EPDR1: variants seen among roughly 807,000 people sequenced by gnomAD.
The protein encoded by EPDR1 is ependymin related 1, also known as mammalian ependymin-related protein 1.
Under a neutral mutation model 23.7 loss-of-function variants are expected in EPDR1, and 27 were observed. The ratio of observed to expected loss-of-function variants is 1.14; its 90% CI spans 0.84 to 1.57. The LOEUF (loss-of-function observed/expected upper bound fraction) is 1.57, where lower values mean the gene tolerates loss of function less well. EPDR1 is among the 40% of genes most tolerant of loss of function. EPDR1 has a pLI of 0.00. For missense variants in EPDR1, 349 were observed against 290.4 expected (o/e 1.20, Z -1.47); for synonymous variants, 137 against 118.2 (o/e 1.16, Z -1.03).
intron 1 of EPDR1, among the ~76,000 whole-genome samples, chr7:37,925,024 G>A (rs1346051006): frequency 1.3e-5 from 2 of 152,164 alleles, no homozygotes; most frequent in African/African-American, 4.8e-5. Context: ...TGAGATGATG[G>A]AAAAGATTAA....
chr7:37,936,761 G>A (rs1161852297), intron 1 of EPDR1, among the ~76,000 whole-genome samples: 1 of 152,000 alleles, frequency 6.6e-6, no homozygotes, highest in Admixed American at 6.6e-5. Flanking sequence ...CAAATTTAAA[G>A]GAAATGTGCA....
In EPDR1 at chr7:37,921,036, C is replaced by T; in HGVS notation, c.97C>T (p.Leu33=). 1 of 1,532,002 alleles carries T rather than the reference C, an allele frequency of 6.5e-7. No homozygotes were observed. 94.9% of individuals were successfully genotyped at this position (1,532,002 alleles called of 1,614,324 possible). A position where few individuals can be genotyped will look rare whatever the true frequency, so the allele number is the denominator to read the frequency against. Residue 33 remains leucine, a synonymous_variant, in exon 1 of 3, where the codon CTG becomes TTG. Transcript: ENST00000199448. ...WAWTLCGLCS[L]GAVGAPRPCQ... is the part of the protein sequence containing the mutation. Reference sequence around the variant, plus strand: ...CTGGACCCTGTGCGGCCTGTGCAGCCTGGGGGCGGTGGGAGCCCCGCGCCC... The same window carrying T: ...CTGGACCCTGTGCGGCCTGTGCAGCTTGGGGGCGGTGGGAGCCCCGCGCCC...
intron 1 of EPDR1, 107 bp downstream of exon 1, chr7:37,921,315 C>T (rs1351290342): frequency 1.4e-6 from 2 of 1,439,016 alleles, no homozygotes; most frequent in Non-Finnish European, 1.8e-6. Flanking sequence ...CCTTGCAGCT[C>T]CTCCCTTCTC....
chr7:37,936,025 T>TATATACACAC, intron 1 of EPDR1, among the ~76,000 whole-genome samples: 1 of 105,300 alleles, frequency 9.5e-6, no homozygotes, highest in African/African-American at 3.8e-5. Flanking sequence ...TATATATATA[T>TATATACACAC]ATATATATAT....
intron 1 of EPDR1, among the ~76,000 whole-genome samples, chr7:37,931,574 T>G (rs1265557801): frequency 1.3e-5 from 2 of 152,136 alleles, no homozygotes; most frequent in East Asian, 1.9e-4. Context: ...AAATTTGGTT[T>G]CGTTTCAATA....
intron 1 of EPDR1, among the ~76,000 whole-genome samples, chr7:37,930,549 C>T (rs1785915358): frequency 6.6e-6 from 1 of 152,216 alleles, no homozygotes; most frequent in East Asian, 1.9e-4. Context: ...ACAGTCAAGC[C>T]CTCCACCTGT....
intron 1 of EPDR1, among the ~76,000 whole-genome samples, chr7:37,931,003 C>T (rs1008624646): frequency 2.6e-5 from 4 of 151,944 alleles, no homozygotes; most frequent in Admixed American, 6.5e-5. Context: ...TACTAATTTT[C>T]GTATTTACCT....
chr7:37,923,942 A>G (rs898009741), intron 1 of EPDR1, among the ~76,000 whole-genome samples: 2 of 152,190 alleles, frequency 1.3e-5, no homozygotes, highest in Non-Finnish European at 2.9e-5. Flanking sequence ...CGCTACCACT[A>G]TCATCATTAT....
At chr7:37,948,720 G>T (rs1786333158) in intron 1 of EPDR1, 120 bp from the exon 2 acceptor site, 3 of 715,938 alleles carry the variant, frequency 4.2e-6, no homozygotes, top group East Asian at 2.7e-5. Flanking sequence ...TTAAGTGATT[G>T]CCTAGCTAGT....
In EPDR1 at chr7:37,920,864, G is replaced by A. The variant is rs1482672385; in HGVS notation, c.-76G>A. 2 of 1,611,322 alleles carry A rather than the reference G, an allele frequency of 1.2e-6. No individual in the cohort carries two copies. The highest frequency in any genetic ancestry group is 3.3e-5 in the Admixed American group (2 of 59,972). ...GGCACAGTGCGGAAAGAGCCGGCGG[G>A]AGCCACTCTGATCCCGGACGCCTCA... On this transcript the variant is annotated 5_prime_UTR_variant, in exon 1 of 3. Coordinates refer to ENST00000199448, the MANE Select transcript of EPDR1 (RefSeq NM_017549.5).
At chr7:37,937,052 G>A (rs1458840035) in intron 1 of EPDR1, among the ~76,000 whole-genome samples, 1 of 152,152 alleles carries the variant, frequency 6.6e-6, no homozygotes, top group East Asian at 1.9e-4. Context: ...TGACATTGAT[G>A]TGTAAATAGG....
Position 37,934,670 on chromosome 7 carries a change from A to AT in EPDR1, c.269+13463dup, listed in dbSNP as rs564141979. Among the ~76,000 whole-genome samples, 946 of 152,228 alleles carry AT rather than the reference A, an allele frequency of 6.2e-3. 8 individuals carry two copies. The highest frequency in any genetic ancestry group is 0.021 in the African/African-American group (892 of 41,536). Reference sequence around the variant, plus strand: ...TTTAAAAAATTAAAAATGGCCAGGTATGGTGGTTCATGCCTGTAATACCAG... The same window carrying AT: ...TTTAAAAAATTAAAAATGGCCAGGTATTGGTGGTTCATGCCTGTAATACCAG... On this transcript the variant is annotated intron_variant, in intron 1 of 2. Coordinates refer to ENST00000199448, the MANE Select transcript of EPDR1 (RefSeq NM_017549.5).
chr7:37,937,470 C>G (rs1786077818), intron 1 of EPDR1, among the ~76,000 whole-genome samples: 1 of 151,750 alleles, frequency 6.6e-6, no homozygotes, highest in Admixed American at 6.6e-5. Flanking sequence ...GTACAAAACG[C>G]TAATTAATTA....
At chr7:37,937,999 T>TC (rs1786090830) in intron 1 of EPDR1, among the ~76,000 whole-genome samples, 1 of 136,242 alleles carries the variant, frequency 7.3e-6, no homozygotes, top group East Asian at 2.2e-4. Context: ...TTTTTTTTTT[T>TC]TTTTTTTTTG....
Position 37,921,061 on chromosome 7 carries a change from C to A in EPDR1, c.122C>A (p.Pro41Gln), listed in dbSNP as rs750489002. Residue 41 changes from proline (P) to glutamine (Q), a missense_variant, in exon 1 of 3, where the codon CCG becomes CAG. Coordinates refer to ENST00000199448, the MANE Select transcript of EPDR1 (RefSeq NM_017549.5). ...CSLGAVGAPR[P>Q]CQAPQQWEGR... ...CTGGGGGCGGTGGGAGCCCCGCGCC[C>A]GTGCCAGGCGCCGCAGCAGTGGGAG... The A allele has an allele frequency of 1.3e-6, 2 of 1,553,348 alleles. No individual in the cohort carries two copies. Among genetic ancestry groups the A allele is most frequent in the African/African-American group, 1.4e-5 (1 of 72,308 alleles).
chr7:37,941,329 C>G (rs754688295), intron 1 of EPDR1, among the ~76,000 whole-genome samples: 2 of 152,174 alleles, frequency 1.3e-5, no homozygotes, highest in Admixed American at 6.5e-5. Context: ...CAAAGTATCA[C>G]TCATCAATTA....
At chr7:37,921,396 C>T in intron 1 of EPDR1, 188 bp downstream of exon 1, 1 of 1,390,796 alleles carries the variant, frequency 7.2e-7, no homozygotes, top group Non-Finnish European at 9.3e-7. Flanking sequence ...GCGCTGCGCC[C>T]ACCGAGGGCG....
chr7:37,935,428 A>AT (rs1374679590), intron 1 of EPDR1, among the ~76,000 whole-genome samples: 9 of 152,230 alleles, frequency 5.9e-5, no homozygotes, highest in African/African-American at 2.2e-4. Context: ...CAAATATGAG[A>AT]TTTTCCTGCC....
intron 1 of EPDR1, among the ~76,000 whole-genome samples, chr7:37,940,895 C>T (rs187686439): frequency 2.5e-3 from 379 of 151,824 alleles, no homozygotes; most frequent in African/African-American, 8.2e-3. Flanking sequence ...ATGTCAGTTT[C>T]TAAGTTGTTT....
Sources: gnomAD v4.1 joint callset for allele counts (sites outside exome capture counted in the v4.1 genomes callset) on GRCh38, gnomAD v4.1.1 for gene constraint, MANE v1.5 for transcripts, NCBI Gene and HGNC (gene_info 2026-07-23, HGNC 2026-07-21) for gene names.